GRB10: variants seen among roughly 807,000 people sequenced by gnomAD.
The protein encoded by GRB10 is growth factor receptor-bound protein 10.
GRB10 carries 20 observed loss-of-function variants against 80.9 expected under a neutral mutation model. That is an observed-to-expected ratio of 0.25 (90% CI 0.17 to 0.36). The LOEUF (loss-of-function observed/expected upper bound fraction) is 0.36, where lower values mean the gene tolerates loss of function less well. Ranked by LOEUF, GRB10 falls within the 10% of genes least tolerant of loss-of-function variation. The pLI is 1.00. For missense variants in GRB10, 548 were observed against 747.7 expected (o/e 0.73, Z 3.12); for synonymous variants, 291 against 291.5 (o/e 1.00, Z 0.02).
At chr7:50,741,456 A>G (rs2071718012) in intron 3 of GRB10, among the ~76,000 whole-genome samples, 1 of 152,044 alleles carries the variant, frequency 6.6e-6, no homozygotes, top group Non-Finnish European at 1.5e-5. Context: ...CAGGACCCCA[A>G]ATGTCCAGCA....
Position 50,732,328 on chromosome 7 carries a change from C to T in GRB10, c.-6G>A. The T allele has an allele frequency of 6.2e-7, 1 of 1,613,762 alleles. No homozygotes were observed. The highest frequency in any genetic ancestry group is 1.1e-5 in the South Asian group (1 of 91,072). The stretch of plus-strand genomic sequence containing the variant: ...GGGCAGCCGGCTAAAGCCATGGGTT[C>T]CTTCTGCCTTCTTCAAATTACATTT... On this transcript the variant is annotated 5_prime_UTR_variant, in exon 4 of 19. Transcript: ENST00000401949.
intron 7 of GRB10, among the ~76,000 whole-genome samples, chr7:50,644,151 T>C (rs911114588): frequency 6.6e-6 from 1 of 152,194 alleles, no homozygotes. Flanking sequence ...CGGATATTTA[T>C]GTCCAAAACA....
chr7:50,719,974 A>G (rs556227809), intron 4 of GRB10, among the ~76,000 whole-genome samples: 1 of 152,120 alleles, frequency 6.6e-6, no homozygotes, highest in Non-Finnish European at 1.5e-5. Context: ...CCCCCACTCC[A>G]GCTGCTGGGA....
intron 4 of GRB10, among the ~76,000 whole-genome samples, chr7:50,709,710 C>T (rs970338482): frequency 2.6e-5 from 4 of 151,974 alleles, no homozygotes; most frequent in Non-Finnish European, 4.4e-5. Flanking sequence ...AAAAGTGACT[C>T]GTGGGAGGAA....
intron 12 of GRB10, 46 bp from the exon 13 acceptor site, chr7:50,612,885 A>G: frequency 7.7e-7 from 1 of 1,292,778 alleles, no homozygotes; most frequent in Non-Finnish European, 1.1e-6. Flanking sequence ...ACAGGGAGTC[A>G]GAAACAGCTT....
intron 2 of GRB10, among the ~76,000 whole-genome samples, chr7:50,767,280 C>G (rs567037298): frequency 6.6e-6 from 1 of 152,302 alleles, no homozygotes; most frequent in African/African-American, 2.4e-5. Flanking sequence ...CCCTCTGGCT[C>G]CTGATCCTCC....
At chr7:50,781,580 G>C (rs1487139612) in intron 1 of GRB10, 1 of 152,342 alleles carries the variant, frequency 6.6e-6, no homozygotes, top group Non-Finnish European at 1.5e-5. Flanking sequence ...CTAGGAAGGA[G>C]AGCTTTGCGG....
At chr7:50,698,084 A>G (rs2063677193) in intron 5 of GRB10, among the ~76,000 whole-genome samples, 1 of 152,218 alleles carries the variant, frequency 6.6e-6, no homozygotes, top group South Asian at 2.1e-4. Context: ...ACACAAACAC[A>G]TCATGCTTTC....
intron 4 of GRB10, among the ~76,000 whole-genome samples, chr7:50,730,248 T>C (rs2069437900): frequency 6.6e-6 from 1 of 152,198 alleles, no homozygotes; most frequent in African/African-American, 2.4e-5. Flanking sequence ...TACAGTAATT[T>C]TGGTGCTTCT....
intron 1 of GRB10, chr7:50,792,543 A>G (rs1304059753): frequency 1.0e-5 from 4 of 398,390 alleles, no homozygotes; most frequent in Middle Eastern, 6.2e-4. Flanking sequence ...TCCTTCTGCA[A>G]ACGGTACCGC....
Position 50,674,655 on chromosome 7 carries a change from T to A in GRB10, c.143A>T (p.Asp48Val), listed in dbSNP as rs746267903. Residue 48 changes from aspartate to valine, a missense_variant, in exon 6 of 19, where the codon GAT becomes GTT. Physicochemically the swap from Asp to Val is radical, Grantham distance 152 (BLOSUM62 -3). This residue lies in a region of GRB10 where 245 missense variants were observed against 229.3 expected (regional missense o/e 1.07). Transcript: ENST00000401949. ...QSDRLANHQE[D>V]DVDLEALVND... ...CACCAGGGCTTCCAGGTCCACATCA[T>A]CCTCTGCACAGAAAAAGGCAAGAGC... 9 of 1,613,480 alleles carry A rather than the reference T, an allele frequency of 5.6e-6. No homozygotes were observed. The highest frequency in any genetic ancestry group is 7.6e-6 in the Non-Finnish European group (9 of 1,179,882).
At chr7:50,593,808 T>C (rs2046165699) in intron 18 of GRB10, among the ~76,000 whole-genome samples, 1 of 152,148 alleles carries the variant, frequency 6.6e-6, no homozygotes, top group African/African-American at 2.4e-5. Context: ...TTAATGAGCT[T>C]GGAACCACTT....
chr7:50,712,652 A>C (rs2066080100), intron 4 of GRB10, among the ~76,000 whole-genome samples: 1 of 152,256 alleles, frequency 6.6e-6, no homozygotes, highest in Admixed American at 6.5e-5. Flanking sequence ...ATATTCAGGC[A>C]CTTATTTCCA....
At chr7:50,690,079 C>G in intron 5 of GRB10, among the ~76,000 whole-genome samples, 1 of 151,902 alleles carries the variant, frequency 6.6e-6, no homozygotes, top group Non-Finnish European at 1.5e-5. Flanking sequence ...GGAGGATCAC[C>G]TGAGGTCAGG....
chr7:50,593,079 G>T lies in GRB10; in HGVS notation c.1658C>A (p.Thr553Lys), dbSNP rs777488599. Residue 553 changes from threonine (T) to lysine (K), a missense_variant, in exon 19 of 19, where the codon ACG (threonine) becomes AAG (lysine). Physicochemically the swap from Thr to Lys is moderately conservative, Grantham distance 78 (BLOSUM62 -1). Coordinates refer to ENST00000401949, the MANE Select transcript of GRB10 (RefSeq NM_001350814.2). ...QILPCEDDGQTFFSLDDGNTK... is the reference protein window; with the variant it reads ...QILPCEDDGQKFFSLDDGNTK... ...GTTCCCGTCATCTAGGCTGAAGAAC[G>T]TCTGCCCGTCGTCCTCGCACTGGAG... The T allele has an allele frequency of 5.0e-6, 8 of 1,614,080 alleles. 1 individual carries two copies. In the Admixed American group the frequency reaches 1.3e-4, roughly 27 times the overall value.
chr7:50,621,445 C>T (rs1182633892), intron 8 of GRB10, among the ~76,000 whole-genome samples: 1 of 152,222 alleles, frequency 6.6e-6, no homozygotes, highest in African/African-American at 2.4e-5. Context: ...AAAACATCAA[C>T]TCCCTTTTCG....
chr7:50,785,394 G>T (rs73697741), upstream of GRB10, among the ~76,000 whole-genome samples: 14,115 of 152,216 alleles, frequency 0.093, 2,192 homozygotes, highest in African/African-American at 0.32. Flanking sequence ...CTATTGAGCC[G>T]CATCTGATGG....
At chr7:50,672,541 G>A (rs2060474609) in intron 6 of GRB10, among the ~76,000 whole-genome samples, 1 of 152,014 alleles carries the variant, frequency 6.6e-6, no homozygotes, top group South Asian at 2.1e-4. Context: ...GAAGACATTG[G>A]GCCCAAGGAA....
intron 3 of GRB10, among the ~76,000 whole-genome samples, chr7:50,750,150 C>T (rs771965102): frequency 1.2e-4 from 18 of 152,186 alleles, no homozygotes; most frequent in Non-Finnish European, 2.2e-4. Context: ...AGGAGCCCTC[C>T]GGCAGCTCTC....
Sources: gnomAD v4.1 joint callset for allele counts (sites outside exome capture counted in the v4.1 genomes callset) on GRCh38, gnomAD v4.1.1 for gene constraint, gnomAD v4.1.1 regional missense constraint, MANE v1.5 for transcripts, NCBI Gene and HGNC (gene_info 2026-07-23, HGNC 2026-07-21) for gene names.